NRG3: variants seen among roughly 807,000 people sequenced by gnomAD.
NRG3 encodes the protein neuregulin 3.
NRG3 carries 31 observed loss-of-function variants against 66.9 expected under a neutral mutation model. That is an observed-to-expected ratio of 0.46 (90% CI 0.35 to 0.63). The LOEUF is 0.63. Ranked by LOEUF, NRG3 falls within the 20% of genes least tolerant of loss-of-function variation. The pLI is 0.00. For synonymous variants in NRG3, 393 were observed against 359.4 expected (o/e 1.09, Z -1.06); for missense variants, 910 against 878.9 (o/e 1.04, Z -0.45).
At chr10:82,617,708 C>T (rs796569443) in intron 2 of NRG3, among the ~76,000 whole-genome samples, 1 of 152,110 alleles carries the variant, frequency 6.6e-6, no homozygotes, top group Non-Finnish European at 1.5e-5. Context: ...AGCAGTGGGA[C>T]GCAGTCTCTT....
At chr10:82,594,258 A>G (rs557892476) in intron 2 of NRG3, among the ~76,000 whole-genome samples, 7 of 152,306 alleles carry the variant, frequency 4.6e-5, no homozygotes, top group African/African-American at 1.7e-4. Flanking sequence ...TTCTGCATAT[A>G]AGAAAACTCA....
chr10:81,924,055 G>T (rs933161526), intron 1 of NRG3, among the ~76,000 whole-genome samples: 2 of 152,202 alleles, frequency 1.3e-5, no homozygotes, highest in Admixed American at 1.3e-4. Context: ...GTGATTGGGA[G>T]CCCAGTAGGA....
intron 1 of NRG3, among the ~76,000 whole-genome samples, chr10:82,003,263 A>G (rs953080153): frequency 6.6e-6 from 1 of 152,212 alleles, no homozygotes. Context: ...TTTGAGGCTC[A>G]TTTAAGATAC....
chr10:82,473,968 T>C (rs1406291764), intron 2 of NRG3, among the ~76,000 whole-genome samples: 1 of 151,836 alleles, frequency 6.6e-6, no homozygotes, highest in African/African-American at 2.4e-5. Context: ...TTAGATAAAA[T>C]AAGACATTTA....
At chr10:82,041,293 G>A (rs1340519924) in intron 1 of NRG3, among the ~76,000 whole-genome samples, 4 of 151,904 alleles carry the variant, frequency 2.6e-5, no homozygotes, top group Non-Finnish European at 1.5e-5. Context: ...TCTCCCTTGC[G>A]CTTGTGCATA....
chr10:82,845,768 A>T (rs2063283504), intron 3 of NRG3, among the ~76,000 whole-genome samples: 1 of 152,208 alleles, frequency 6.6e-6, no homozygotes, highest in Non-Finnish European at 1.5e-5. Flanking sequence ...AACACAGTGG[A>T]TATTTTATCT....
intron 1 of NRG3, among the ~76,000 whole-genome samples, chr10:82,102,113 C>T (rs1442691778): frequency 7.0e-5 from 6 of 86,008 alleles, no homozygotes; most frequent in African/African-American, 2.1e-4. Flanking sequence ...TATGTGTATT[C>T]ATATATATAT....
chr10:82,671,104 C>A (rs1056683928), intron 2 of NRG3, among the ~76,000 whole-genome samples: 3 of 152,190 alleles, frequency 2.0e-5, no homozygotes, highest in African/African-American at 7.2e-5. Context: ...GTTGCCAGTC[C>A]ATGCACATAG....
intron 2 of NRG3, among the ~76,000 whole-genome samples, chr10:82,615,061 C>T (rs193245351): frequency 1.2e-4 from 18 of 152,240 alleles, no homozygotes; most frequent in African/African-American, 3.9e-4. Flanking sequence ...AAGATTTAGA[C>T]ACCTGTGAGT....
intron 3 of NRG3, among the ~76,000 whole-genome samples, chr10:82,740,347 G>A (rs1349895534): frequency 1.3e-5 from 2 of 151,732 alleles, no homozygotes; most frequent in Non-Finnish European, 2.9e-5. Flanking sequence ...GGTACAAAGT[G>A]GGTAAAAAAA....
chr10:82,486,067 C>G (rs1842653230), intron 2 of NRG3, among the ~76,000 whole-genome samples: 1 of 152,162 alleles, frequency 6.6e-6, no homozygotes, highest in Non-Finnish European at 1.5e-5. Context: ...CACTAATCGT[C>G]AGGGAAACGC....
At chr10:82,034,756 G>A (rs17099153) in intron 1 of NRG3, among the ~76,000 whole-genome samples, 21,435 of 151,736 alleles carry the variant, frequency 0.14, 1,877 homozygotes, top group East Asian at 0.27. Flanking sequence ...AAACCCACCC[G>A]TTCCTGCCTT....
rs1223956286 is a variant in NRG3, at chr10:82,472,540, C to T, written c.953+113672C>T. ...TTTCAAATGGGTTATCAAGCATCGCCGTTTTATGGCAATTCCCCTTCGGGT... is the reference window on the plus strand; with the variant it reads ...TTTCAAATGGGTTATCAAGCATCGCTGTTTTATGGCAATTCCCCTTCGGGT... On this transcript the variant is annotated intron_variant, in intron 2 of 8. Transcript: ENST00000372141. 3.3e-5 allele frequency among the ~76,000 whole-genome samples: 5 copies of T among 152,286 alleles called. No individual in the cohort carries two copies. In the East Asian group the frequency reaches 7.7e-4, roughly 24 times the overall value.
At chr10:82,423,489 G>A (rs560703454) in intron 2 of NRG3, among the ~76,000 whole-genome samples, 16 of 151,962 alleles carry the variant, frequency 1.1e-4, no homozygotes, top group Middle Eastern at 3.4e-3. Flanking sequence ...TGATTCAGCT[G>A]AAACTTAGAG....
intron 1 of NRG3, among the ~76,000 whole-genome samples, chr10:82,301,393 T>C (rs960507172): frequency 6.6e-5 from 10 of 152,312 alleles, no homozygotes; most frequent in South Asian, 2.1e-4. Flanking sequence ...TTTATTCTTT[T>C]AACAAATACT....
At chr10:82,592,788 T>G (rs1412838998) in intron 2 of NRG3, among the ~76,000 whole-genome samples, 1 of 152,164 alleles carries the variant, frequency 6.6e-6, no homozygotes, top group Non-Finnish European at 1.5e-5. Flanking sequence ...TAAAGACCCC[T>G]TGCCTGGACA....
intron 1 of NRG3, among the ~76,000 whole-genome samples, chr10:82,041,497 T>G (rs2063032615): frequency 6.6e-6 from 1 of 151,970 alleles, no homozygotes; most frequent in African/African-American, 2.4e-5. Context: ...TAAACCTAAT[T>G]GCTTGCATAC....
intron 1 of NRG3, among the ~76,000 whole-genome samples, chr10:82,070,984 C>T (rs1238889429): frequency 6.6e-6 from 1 of 152,138 alleles, no homozygotes; most frequent in Non-Finnish European, 1.5e-5. Context: ...ATTTGTGCTA[C>T]ATAATTATTT....
At chr10:81,921,667 A>G (rs1361512357) in intron 1 of NRG3, among the ~76,000 whole-genome samples, 1 of 152,062 alleles carries the variant, frequency 6.6e-6, no homozygotes, top group African/African-American at 2.4e-5. Flanking sequence ...CTGCTTGTAC[A>G]TATTTAGTCT....
Sources: allele counts gnomAD v4.1 joint callset (sites outside exome capture counted in the v4.1 genomes callset), GRCh38; gene constraint gnomAD v4.1.1; transcripts MANE v1.5; gene names NCBI Gene and HGNC (gene_info 2026-07-23, HGNC 2026-07-21).